The following DPP10 variants were observed in gnomAD, a reference collection of about 807,000 sequenced individuals.
DPP10 encodes dipeptidyl peptidase like 10.
Under a neutral mutation model 120.9 loss-of-function variants are expected in DPP10, and 33 were observed. The observed-to-expected ratio is 0.27, with a 90% CI of 0.21 to 0.37. DPP10 has a LOEUF of 0.37. Among genes scored for constraint, DPP10 ranks in the 10% least tolerant of loss-of-function variants. DPP10 has a pLI of 1.00. For synonymous variants in DPP10, 337 were observed against 326.1 expected, an observed-to-expected ratio of 1.03 and a Z score of -0.36; for missense variants, 816 against 942.8, an observed-to-expected ratio of 0.87 and a Z score of 1.76.
intron 1 of DPP10, among the ~76,000 whole-genome samples, chr2:115,003,054 A>G (rs1701550660): frequency 6.6e-6 from 1 of 151,982 alleles, no homozygotes; most frequent in Admixed American, 6.6e-5. Context: ...ATAAAGGAAC[A>G]TACATCTGTA....
chr2:114,903,838 T>C (rs1005648383), intron 1 of DPP10, among the ~76,000 whole-genome samples: 3 of 152,214 alleles, frequency 2.0e-5, no homozygotes, highest in African/African-American at 7.2e-5. Flanking sequence ...AAAGCTGTGT[T>C]AGAACACAAG....
At chr2:115,021,290 A>T (rs2105176666) in intron 1 of DPP10, among the ~76,000 whole-genome samples, 1 of 152,284 alleles carries the variant, frequency 6.6e-6, no homozygotes, top group African/African-American at 2.4e-5. Context: ...CCAAGAAAAG[A>T]ATAGAGAAGA....
intron 3 of DPP10, among the ~76,000 whole-genome samples, chr2:115,379,125 T>C (rs2066066660): frequency 6.6e-6 from 1 of 152,344 alleles, no homozygotes; most frequent in Admixed American, 6.5e-5. Context: ...TCAGAAGGAA[T>C]GGTACCAGTT....
At chr2:114,989,636 G>A (rs1036354355) in intron 1 of DPP10, among the ~76,000 whole-genome samples, 1 of 152,094 alleles carries the variant, frequency 6.6e-6, no homozygotes, top group African/African-American at 2.4e-5. Context: ...TTAGAAACTG[G>A]GTCAGAACAA....
At chr2:115,832,452 G>C (rs570856725) in intron 21 of DPP10, among the ~76,000 whole-genome samples, 9 of 152,214 alleles carry the variant, frequency 5.9e-5, no homozygotes, top group Non-Finnish European at 1.3e-4. Context: ...ATTGTGCCAT[G>C]TACTTCAGCC....
chr2:114,656,780 G>C (rs1696998817), intron 1 of DPP10, among the ~76,000 whole-genome samples: 1 of 152,088 alleles, frequency 6.6e-6, no homozygotes, highest in Admixed American at 6.6e-5. Flanking sequence ...CAATAGAGAA[G>C]GAAGGCACAT....
At chr2:115,194,650 T>C (rs1472639229) in intron 1 of DPP10, among the ~76,000 whole-genome samples, 2 of 152,156 alleles carry the variant, frequency 1.3e-5, no homozygotes, top group African/African-American at 4.8e-5. Context: ...GCGTGAGCTT[T>C]TTGTATAAAG....
intron 1 of DPP10, among the ~76,000 whole-genome samples, chr2:115,221,692 TG>T (rs2057168821): frequency 6.6e-6 from 1 of 151,660 alleles, no homozygotes; most frequent in Non-Finnish European, 1.5e-5. Context: ...GATTTTTTCA[TG>T]GCAATTAGCC....
intron 4 of DPP10, among the ~76,000 whole-genome samples, chr2:115,506,139 A>G (rs2076928149): frequency 6.6e-6 from 1 of 152,104 alleles, no homozygotes; most frequent in African/African-American, 2.4e-5. Context: ...AGAATACTTC[A>G]GTCTACACAG....
rs147863856 is a variant in DPP10, at chr2:115,780,112, A to G, written c.1362-762A>G. ...ATCAAGTTTTTCTAAAGGTATTCTC[A>G]ACAGTGTTTTCATCCATTGACCTAC... On this transcript the variant is annotated intron_variant, in intron 15 of 25. Transcript: ENST00000410059. 2.9e-3 allele frequency among the ~76,000 whole-genome samples: 434 copies of G among 152,064 alleles called. 4 individuals carry two copies. Among genetic ancestry groups the G allele is most frequent in the African/African-American group, 0.01 (419 of 41,532 alleles).
chr2:115,124,965 C>T (rs1181964185), intron 1 of DPP10, among the ~76,000 whole-genome samples: 2 of 152,142 alleles, frequency 1.3e-5, no homozygotes, highest in Non-Finnish European at 2.9e-5. Flanking sequence ...ATAATTCATC[C>T]TAACCACTCC....
intron 12 of DPP10, among the ~76,000 whole-genome samples, chr2:115,766,284 A>ATGTGTGTGTGTGTG (rs1367029368): frequency 4.2e-4 from 21 of 50,202 alleles, no homozygotes; most frequent in Non-Finnish European, 9.1e-4. Context: ...CTCATTATAT[A>ATGTGTGTGTGTGTG]TATGTGTGTG....
chr2:115,667,258 T>C (rs2089526081), intron 5 of DPP10, among the ~76,000 whole-genome samples: 2 of 152,190 alleles, frequency 1.3e-5, no homozygotes, highest in Admixed American at 1.3e-4. Context: ...ATTAGAACTT[T>C]GTCAGATGCA....
At chr2:115,613,380 A>G (rs2084258022) in intron 5 of DPP10, among the ~76,000 whole-genome samples, 1 of 152,204 alleles carries the variant, frequency 6.6e-6, no homozygotes, top group African/African-American at 2.4e-5. Flanking sequence ...TTATATGTGG[A>G]TAGAATATCT....
chr2:114,795,586 CA>C (rs1683636843), intron 1 of DPP10, among the ~76,000 whole-genome samples: 1 of 152,020 alleles, frequency 6.6e-6, no homozygotes, highest in South Asian at 2.1e-4. Flanking sequence ...AATTCATAAG[CA>C]CAGTTGACCC....
At chr2:115,293,277 A>G (rs764498870) in intron 1 of DPP10, among the ~76,000 whole-genome samples, 125 of 152,102 alleles carry the variant, frequency 8.2e-4, no homozygotes, top group Non-Finnish European at 2.5e-4. Flanking sequence ...ACATGAAATC[A>G]GGAAAGAAAA....
intron 5 of DPP10, among the ~76,000 whole-genome samples, chr2:115,590,132 C>T (rs1411165058): frequency 7.0e-6 from 1 of 142,230 alleles, no homozygotes; most frequent in Non-Finnish European, 1.5e-5. Context: ...TTTTTTTCCC[C>T]CATATGGTAT....
intron 1 of DPP10, chr2:115,144,499 G>A (rs780423857): frequency 2.6e-5 from 4 of 151,780 alleles, no homozygotes; most frequent in East Asian, 1.9e-4. Context: ...TCTGACCCAC[G>A]TTTGTAGTTC....
At chr2:115,588,782 GA>G (rs1329438487) in intron 5 of DPP10, among the ~76,000 whole-genome samples, 1 of 152,144 alleles carries the variant, frequency 6.6e-6, no homozygotes, top group African/African-American at 2.4e-5. Flanking sequence ...ACAAATGAAT[GA>G]ATTAAAGAAT....
Sources: gnomAD v4.1 joint callset for allele counts (sites outside exome capture counted in the v4.1 genomes callset) on GRCh38, gnomAD v4.1.1 for gene constraint, MANE v1.5 for transcripts, NCBI Gene and HGNC (gene_info 2026-07-23, HGNC 2026-07-21) for gene names.